The following CABIN1 variants were observed in gnomAD, a reference collection of about 807,000 sequenced individuals.
CABIN1 encodes calcineurin binding protein 1, also known as calcineurin-binding protein cabin-1.
CABIN1 carries 133 observed loss-of-function variants against 227.7 expected under a neutral mutation model. The ratio of observed to expected loss-of-function variants is 0.58; its 90% CI spans 0.51 to 0.67. The LOEUF (loss-of-function observed/expected upper bound fraction) is 0.67. Ranked by LOEUF, CABIN1 falls within the 30% of genes least tolerant of loss-of-function variation. The probability of loss-of-function intolerance (pLI) is 0.00; values close to 1 mark genes in which losing one functional copy is unlikely to be tolerated. For synonymous variants in CABIN1, 1,086 were observed against 1,155.1 expected (o/e 0.94, Z 1.21); for missense variants, 2,408 against 2,852.5 (o/e 0.84, Z 3.55).
chr22:24,051,102 G>A, intron 8 of CABIN1, 128 bp downstream of exon 8: 1 of 1,192,466 alleles, frequency 8.4e-7, no homozygotes, highest in Non-Finnish European at 1.2e-6. Flanking sequence ...GGGGCTGGGT[G>A]CACAGTGGCC....
At position 24,171,869 on chromosome 22, in the gene CABIN1, G is replaced by C. The variant is rs751498073; in HGVS notation, c.5914G>C (p.Ala1972Pro). ...CACCAAGCCTCGCCCTGCACTAGCT[G>C]CCGCCACAACTATTATCACCTGCCC... ...AHTKPRPALA[A>P]ATTIITCPPS... Residue 1972 changes from alanine to proline, a missense_variant, in exon 34 of 37, where the codon GCC becomes CCC. By Grantham distance (27) the Ala-to-Pro change is conservative. Coordinates refer to ENST00000263119, the MANE Select transcript of CABIN1 (RefSeq NM_012295.4). 7 of 1,614,064 alleles carry C rather than the reference G, an allele frequency of 4.3e-6. No individual in the cohort carries two copies. Among genetic ancestry groups the C allele is most frequent in the Non-Finnish European group, 5.9e-6 (7 of 1,180,038 alleles).
At chr22:24,170,759 C>CCG (rs1556005540) in intron 33 of CABIN1, among the ~76,000 whole-genome samples, 2 of 148,826 alleles carry the variant, frequency 1.3e-5, no homozygotes, top group East Asian at 2.0e-4. Context: ...ACTGCCCCCC[C>CCG]CCCCGCCCCC....
intron 29 of CABIN1, among the ~76,000 whole-genome samples, chr22:24,136,399 C>T (rs2044401059): frequency 7.1e-6 from 1 of 141,740 alleles, no homozygotes; most frequent in African/African-American, 2.7e-5. Flanking sequence ...GTCACCCAGG[C>T]TTGAGTGCAG....
intron 19 of CABIN1, among the ~76,000 whole-genome samples, chr22:24,081,468 G>T (rs1237410474): frequency 6.6e-6 from 1 of 152,046 alleles, no homozygotes; most frequent in African/African-American, 2.4e-5. Flanking sequence ...CTCGAGTTAT[G>T]CCCCTTTTTC....
At chr22:24,110,747 A>C (rs568255031) in intron 26 of CABIN1, among the ~76,000 whole-genome samples, 1 of 152,160 alleles carries the variant, frequency 6.6e-6, no homozygotes, top group Non-Finnish European at 1.5e-5. Flanking sequence ...TGTAATTTCT[A>C]ATGAGAAGTC....
chr22:24,038,232 A>C (rs2037075811), intron 3 of CABIN1, 116 bp from the exon 4 acceptor site: 2 of 780,092 alleles, frequency 2.6e-6, no homozygotes, highest in South Asian at 2.8e-5. Context: ...TGAAAGTTCC[A>C]GCTATCTAAT....
chr22:24,060,509 G>A (rs950811513), intron 12 of CABIN1, among the ~76,000 whole-genome samples: 1 of 152,078 alleles, frequency 6.6e-6, no homozygotes, highest in Non-Finnish European at 1.5e-5. Context: ...TCATGGGGAG[G>A]GCTTCTCGGG....
At chr22:24,059,447 A>G (rs1312561134) in intron 11 of CABIN1, 84 bp downstream of exon 11, 1 of 1,530,318 alleles carries the variant, frequency 6.5e-7, no homozygotes, top group East Asian at 2.3e-5. Context: ...GTTCTGGGAG[A>G]ATGGTTCTGG....
rs575615641 is a variant in CABIN1, at chr22:24,166,407, A to T, written c.5008-232A>T. ...CCGTCAGCCCCTTGCTACCTGGAAG[A>T]GTGTGGTGGGGTAGCCAGAGGTGCA... On this transcript the variant is annotated intron_variant, in intron 31 of 36. Coordinates refer to ENST00000263119, the MANE Select transcript of CABIN1 (RefSeq NM_012295.4). Among the ~76,000 whole-genome samples the T allele has an allele frequency of 1.2e-3, 188 of 152,262 alleles. 1 individual carries two copies. The highest frequency in any genetic ancestry group is 4.4e-3 in the African/African-American group (181 of 41,542).
rs768554945 is a variant in CABIN1 at position 24,119,350 on chromosome 22, C to A, written c.4301-17C>A. 3.1e-6 allele frequency: 5 copies of A among 1,607,458 alleles called. No individual in the cohort carries two copies. Among genetic ancestry groups the A allele is most frequent in the Non-Finnish European group, 4.2e-6 (5 of 1,178,374 alleles). ...CTAAAACCAGGGTGACTTTCTTTCC[C>A]TTCTTCTCAACTGTAGGAAAAAACG... On this transcript the variant is annotated splice_polypyrimidine_tract_variant and intron_variant, in intron 27 of 36. Transcript: ENST00000263119.
intron 29 of CABIN1, among the ~76,000 whole-genome samples, chr22:24,150,019 C>G (rs1322701055): frequency 2.0e-5 from 3 of 152,226 alleles, no homozygotes; most frequent in Admixed American, 2.0e-4. Flanking sequence ...TGTGGGGCAC[C>G]AAAAGAGGCT....
chr22:24,064,512 G>GTT (rs782268156), intron 15 of CABIN1, among the ~76,000 whole-genome samples: 8,760 of 106,798 alleles, frequency 0.082, 490 homozygotes, highest in South Asian at 0.12. Flanking sequence ...CAGCTGAAAG[G>GTT]TTTTTTTTTT....
chr22:24,052,025 G>A (rs1231880089), intron 8 of CABIN1, among the ~76,000 whole-genome samples: 5 of 152,106 alleles, frequency 3.3e-5, no homozygotes, highest in Admixed American at 3.3e-4. Flanking sequence ...TTGTCAGCTG[G>A]ATTAGAGTCC....
At chr22:24,062,205 G>A (rs920223133) in intron 13 of CABIN1, among the ~76,000 whole-genome samples, 180 bp downstream of exon 13, 2 of 152,186 alleles carry the variant, frequency 1.3e-5, no homozygotes, top group Non-Finnish European at 2.9e-5. Context: ...GTGGTTAGCA[G>A]TAGCTGAGCC....
intron 29 of CABIN1, among the ~76,000 whole-genome samples, chr22:24,146,989 G>A (rs1412453296): frequency 1.3e-5 from 2 of 152,202 alleles, no homozygotes; most frequent in African/African-American, 4.8e-5. Flanking sequence ...CCTCCATGCC[G>A]GAGTTTCTGC....
intron 5 of CABIN1, 25 bp downstream of exon 5, chr22:24,041,298 A>T: frequency 6.2e-7 from 1 of 1,613,848 alleles, no homozygotes; most frequent in Non-Finnish European, 8.5e-7. Context: ...GTGCTTAGCT[A>T]CCTTGGTGTT....
intron 20 of CABIN1, among the ~76,000 whole-genome samples, 197 bp downstream of exon 20, chr22:24,083,586 A>ACATT (rs1366582005): frequency 1.3e-5 from 2 of 152,212 alleles, no homozygotes; most frequent in African/African-American, 2.4e-5. Context: ...ATGTTGACTG[A>ACATT]CATTCAACTA....
intron 1 of CABIN1, among the ~76,000 whole-genome samples, chr22:24,035,127 G>T (rs779321757): frequency 2.0e-5 from 3 of 152,296 alleles, no homozygotes; most frequent in Non-Finnish European, 4.4e-5. Context: ...GATGTTGCCT[G>T]TGTTTCTTTT....
intron 18 of CABIN1, among the ~76,000 whole-genome samples, chr22:24,074,930 C>T (rs1273082031): frequency 6.6e-6 from 1 of 152,230 alleles, no homozygotes; most frequent in Admixed American, 6.5e-5. Flanking sequence ...TGGTGGCTCA[C>T]TCCTGTAATT....
Sources: allele counts gnomAD v4.1 joint callset (sites outside exome capture counted in the v4.1 genomes callset), GRCh38; gene constraint gnomAD v4.1.1; transcripts MANE v1.5; gene names NCBI Gene and HGNC (gene_info 2026-07-23, HGNC 2026-07-21).